The following SLC35F4 variants were observed in gnomAD, a reference collection of about 807,000 sequenced individuals.
SLC35F4 encodes the protein solute carrier family 35 member F4.
SLC35F4 carries 24 observed loss-of-function variants against 44.2 expected under a neutral mutation model. The observed-to-expected ratio is 0.54, with a 90% CI of 0.39 to 0.76. SLC35F4 has a LOEUF of 0.76. Ranked by LOEUF, SLC35F4 falls within the 30% of genes least tolerant of loss-of-function variation. The pLI is 0.00. For missense variants in SLC35F4, 562 were observed against 586.1 expected, an observed-to-expected ratio of 0.96 and a Z score of 0.42; for synonymous variants, 238 against 223.6, an observed-to-expected ratio of 1.06 and a Z score of -0.57.
intron 1 of SLC35F4, among the ~76,000 whole-genome samples, chr14:57,772,241 TATA>T (rs1267355039): frequency 1.3e-5 from 2 of 152,162 alleles, no homozygotes; most frequent in Non-Finnish European, 2.9e-5. Context: ...TGGAAGAAAA[TATA>T]ATGACAAATG....
intron 1 of SLC35F4, among the ~76,000 whole-genome samples, chr14:57,740,129 G>T (rs1490740616): frequency 6.6e-6 from 1 of 151,996 alleles, no homozygotes; most frequent in African/African-American, 2.4e-5. Context: ...CAAAGTGCTG[G>T]GATTACAGGC....
At chr14:57,971,524 A>T (rs1193699844) in intron 1 of SLC35F4, among the ~76,000 whole-genome samples, 1 of 152,226 alleles carries the variant, frequency 6.6e-6, no homozygotes, top group Non-Finnish European at 1.5e-5. Context: ...TATGCATGAG[A>T]ACTTAATCCA....
intron 1 of SLC35F4, chr14:57,604,186 G>A (rs2071009858): frequency 6.6e-6 from 1 of 152,150 alleles, no homozygotes; most frequent in African/African-American, 2.4e-5. Flanking sequence ...TATCACTCCG[G>A]TCACTGTGAT....
At chr14:57,740,285 T>C (rs1340215171) in intron 1 of SLC35F4, among the ~76,000 whole-genome samples, 1 of 152,234 alleles carries the variant, frequency 6.6e-6, no homozygotes, top group Non-Finnish European at 1.5e-5. Flanking sequence ...TAATTTGTCA[T>C]ATACTTCATT....
At chr14:57,830,624 G>A (rs1884269081) in intron 1 of SLC35F4, among the ~76,000 whole-genome samples, 1 of 152,156 alleles carries the variant, frequency 6.6e-6, no homozygotes, top group South Asian at 2.1e-4. Context: ...ATAATTAAAT[G>A]AGCCAATATG....
At chr14:57,657,599 C>A (rs1221007744) in intron 1 of SLC35F4, among the ~76,000 whole-genome samples, 3 of 152,102 alleles carry the variant, frequency 2.0e-5, no homozygotes, top group Non-Finnish European at 4.4e-5. Flanking sequence ...CACTGTGCCA[C>A]AAATTGCATC....
intron 1 of SLC35F4, among the ~76,000 whole-genome samples, chr14:57,779,671 C>T (rs534608892): frequency 1.0e-3 from 158 of 152,164 alleles, no homozygotes; most frequent in African/African-American, 3.6e-3. Context: ...AACATTGATG[C>T]AAAAACCTTC....
rs1440305206 is a variant in SLC35F4, at chr14:57,644,304, G to GC, written c.104-50181dup. The stretch of plus-strand genomic sequence containing the variant: ...GTTGTTTCCTGACTTTTTAATGATT[G>GC]CCATTCTAACTAGTGTGAGATGGTA... On this transcript the variant is annotated intron_variant, in intron 1 of 7. Transcript: ENST00000556826. Among the ~76,000 whole-genome samples the GC allele has an allele frequency of 2.6e-5, 4 of 152,186 alleles. No individual in the cohort carries two copies. In the East Asian group the frequency reaches 7.7e-4, roughly 29 times the overall value.
intron 1 of SLC35F4, among the ~76,000 whole-genome samples, chr14:57,791,912 A>G (rs2077929045): frequency 6.6e-6 from 1 of 151,916 alleles, no homozygotes; most frequent in African/African-American, 2.4e-5. Flanking sequence ...GGAGTTGACC[A>G]ATGAGAACGT....
chr14:57,947,974 G>T (rs912098398), intron 1 of SLC35F4, among the ~76,000 whole-genome samples: 4 of 152,038 alleles, frequency 2.6e-5, no homozygotes, highest in African/African-American at 9.7e-5. Context: ...CAGAGGTATT[G>T]GTCTATAGTT....
intron 1 of SLC35F4, among the ~76,000 whole-genome samples, chr14:57,775,498 C>T (rs1490615594): frequency 2.0e-5 from 3 of 152,240 alleles, no homozygotes; most frequent in Non-Finnish European, 4.4e-5. Flanking sequence ...CAATATCAGT[C>T]CCTCAGAATT....
At chr14:57,852,629 T>C (rs181111204) in intron 1 of SLC35F4, among the ~76,000 whole-genome samples, 164 of 152,310 alleles carry the variant, frequency 1.1e-3, no homozygotes, top group African/African-American at 3.7e-3. Context: ...TTCTAAAAAG[T>C]CTGTGGGAAT....
chr14:57,805,251 C>T (rs1881172806), intron 1 of SLC35F4, among the ~76,000 whole-genome samples: 1 of 152,052 alleles, frequency 6.6e-6, no homozygotes, highest in South Asian at 2.1e-4. Flanking sequence ...AGTATGTGAC[C>T]CAGCAATCCC....
At chr14:57,571,756 C>T (rs1566627191) in intron 5 of SLC35F4, 138 bp downstream of exon 5, 1 of 1,241,176 alleles carries the variant, frequency 8.1e-7, no homozygotes, top group African/African-American at 1.5e-5. Context: ...CATCACATAA[C>T]AAGTAGTTAA....
chr14:57,709,326 A>G (rs147273510), intron 1 of SLC35F4, among the ~76,000 whole-genome samples: 4 of 152,302 alleles, frequency 2.6e-5, no homozygotes, highest in African/African-American at 9.6e-5. Context: ...CTGTCCAGGC[A>G]TAACAGAAGG....
At chr14:57,716,230 G>C (rs1157198838) in intron 1 of SLC35F4, among the ~76,000 whole-genome samples, 1 of 152,022 alleles carries the variant, frequency 6.6e-6, no homozygotes, top group Non-Finnish European at 1.5e-5. Flanking sequence ...AGTCAAAAAA[G>C]GTCCAGAAAC....
intron 1 of SLC35F4, among the ~76,000 whole-genome samples, chr14:57,678,470 A>G (rs1188185983): frequency 6.6e-6 from 1 of 152,092 alleles, no homozygotes; most frequent in Non-Finnish European, 1.5e-5. Flanking sequence ...ACTAACAAGC[A>G]AAATAACCAG....
chr14:57,610,292 G>C (rs1462494636), intron 1 of SLC35F4, among the ~76,000 whole-genome samples: 1 of 152,148 alleles, frequency 6.6e-6, no homozygotes, highest in Non-Finnish European at 1.5e-5. Context: ...ATTAATAAAA[G>C]TGAGAATCTG....
chr14:57,647,020 C>T (rs557004858), intron 1 of SLC35F4, among the ~76,000 whole-genome samples: 3 of 152,256 alleles, frequency 2.0e-5, no homozygotes, highest in Non-Finnish European at 4.4e-5. Context: ...TTTACATTTG[C>T]TGAGGAGTGC....
Sources: allele counts gnomAD v4.1 joint callset (sites outside exome capture counted in the v4.1 genomes callset), GRCh38; gene constraint gnomAD v4.1.1; transcripts MANE v1.5; gene names NCBI Gene and HGNC (gene_info 2026-07-23, HGNC 2026-07-21).